Variants in PDZD2 observed in about 807,000 individuals in gnomAD.
The protein encoded by PDZD2 is PDZ domain containing 2, also known as PDZ domain-containing protein 2.
In PDZD2, 90 loss-of-function variants were observed where a neutral mutation model predicts 220.7. The ratio of observed to expected loss-of-function variants is 0.41; its 90% CI spans 0.34 to 0.49. The LOEUF (loss-of-function observed/expected upper bound fraction) is 0.49, where lower values mean the gene tolerates loss of function less well. Ranked by LOEUF, PDZD2 falls within the 20% of genes least tolerant of loss-of-function variation. The probability of loss-of-function intolerance (pLI) is 0.28; values close to 1 mark genes in which losing one functional copy is unlikely to be tolerated. For synonymous variants in PDZD2, 1,375 were observed against 1,450.5 expected (o/e 0.95, Z 1.18); for missense variants, 3,174 against 3,608.5 (o/e 0.88, Z 3.08).
At chr5:31,969,985 G>A (rs1441432792) in intron 2 of PDZD2, among the ~76,000 whole-genome samples, 1 of 150,402 alleles carries the variant, frequency 6.6e-6, no homozygotes, top group Non-Finnish European at 1.5e-5. Context: ...CGCAACTTCC[G>A]CCTCCCGGGT....
chr5:31,995,026 G>T (rs1751519020), intron 3 of PDZD2, among the ~76,000 whole-genome samples: 1 of 152,128 alleles, frequency 6.6e-6, no homozygotes, highest in Non-Finnish European at 1.5e-5. Flanking sequence ...CCAACTAGTT[G>T]AAGTCTCCTG....
At chr5:31,972,382 G>A (rs1280594724) in intron 2 of PDZD2, among the ~76,000 whole-genome samples, 1 of 151,958 alleles carries the variant, frequency 6.6e-6, no homozygotes, top group Non-Finnish European at 1.5e-5. Context: ...CCCAAGTGCT[G>A]GGATTACAGA....
chr5:31,844,906 G>A (rs1757505388), intron 2 of PDZD2, among the ~76,000 whole-genome samples: 1 of 150,814 alleles, frequency 6.6e-6, no homozygotes, highest in Non-Finnish European at 1.5e-5. Context: ...CCAGTTCTCA[G>A]GGATAGGTCA....
At chr5:31,705,051 C>T (rs1441804846) in intron 1 of PDZD2, among the ~76,000 whole-genome samples, 2 of 152,088 alleles carry the variant, frequency 1.3e-5, no homozygotes, top group Non-Finnish European at 2.9e-5. Context: ...GTCCCAGCTA[C>T]TTGGGAGGCT....
intron 1 of PDZD2, among the ~76,000 whole-genome samples, chr5:31,777,151 A>G (rs1752713372): frequency 1.3e-5 from 2 of 152,142 alleles, no homozygotes; most frequent in African/African-American, 2.4e-5. Flanking sequence ...CTCGCGGGGC[A>G]GCGTGAGTTC....
intron 2 of PDZD2, among the ~76,000 whole-genome samples, chr5:31,875,700 T>C (rs1272021437): frequency 6.7e-6 from 1 of 149,698 alleles, no homozygotes; most frequent in Non-Finnish European, 1.5e-5. Context: ...ATATAATCTA[T>C]TTGGGATTAT....
chr5:31,674,549 A>G (rs1291903962), intron 1 of PDZD2, among the ~76,000 whole-genome samples: 1 of 152,216 alleles, frequency 6.6e-6, no homozygotes, highest in Non-Finnish European at 1.5e-5. Context: ...GAATTGGGCA[A>G]TTAGAACAGT....
chr5:31,640,863 C>T (rs1402629068), intron 1 of PDZD2, among the ~76,000 whole-genome samples: 6 of 147,222 alleles, frequency 4.1e-5, no homozygotes, highest in African/African-American at 1.3e-4. Flanking sequence ...GTGTGTGTTG[C>T]GGGGGTTAGG....
At chr5:32,056,225 A>G (rs2112322171) in intron 10 of PDZD2, among the ~76,000 whole-genome samples, 1 of 152,334 alleles carries the variant, frequency 6.6e-6, no homozygotes, top group East Asian at 1.9e-4. Flanking sequence ...AGATTACTTC[A>G]CTTATTTTAT....
At chr5:31,957,161 T>A (rs1747784268) in intron 2 of PDZD2, among the ~76,000 whole-genome samples, 1 of 152,242 alleles carries the variant, frequency 6.6e-6, no homozygotes, top group African/African-American at 2.4e-5. Flanking sequence ...CTCAGCCTCC[T>A]GAGTAGTTGG....
At chr5:31,959,591 C>G (rs375877064) in intron 2 of PDZD2, among the ~76,000 whole-genome samples, 2 of 152,146 alleles carry the variant, frequency 1.3e-5, no homozygotes, top group South Asian at 2.1e-4. Context: ...CTCAGGAGAT[C>G]TTCCCACCTC....
intron 1 of PDZD2, among the ~76,000 whole-genome samples, chr5:31,698,589 ACT>A (rs1443531476): frequency 6.8e-6 from 1 of 146,188 alleles, no homozygotes; most frequent in Non-Finnish European, 1.5e-5. Flanking sequence ...ACAGAGCGAG[ACT>A]CTGTCTCAAA....
intron 2 of PDZD2, among the ~76,000 whole-genome samples, chr5:31,880,791 C>CTTTTTTTT (rs1037018187): frequency 0.017 from 1,339 of 76,530 alleles, 6 homozygotes; most frequent in Non-Finnish European, 0.023. Context: ...TTTTTTTTTT[C>CTTTTTTTT]TTTTTTTTTT....
chr5:31,667,491 C>T (rs938794672), intron 1 of PDZD2, among the ~76,000 whole-genome samples: 3 of 151,982 alleles, frequency 2.0e-5, no homozygotes, highest in Non-Finnish European at 4.4e-5. Context: ...GGGGACCTTG[C>T]TGGATAGTGG....
At position 32,060,430 on chromosome 5, in the gene PDZD2, A is replaced by G. The variant is rs543649727; in HGVS notation, c.2319-572A>G. Among the ~76,000 whole-genome samples the G allele has an allele frequency of 7.4e-4, 113 of 152,202 alleles. 1 individual carries two copies. Among genetic ancestry groups the G allele is most frequent in the Admixed American group, 4.3e-3 (65 of 15,274 alleles). On this transcript the variant is annotated intron_variant, in intron 13 of 24. Coordinates refer to ENST00000438447, the MANE Select transcript of PDZD2 (RefSeq NM_178140.4). ...CCAATTTCTCATTTGTTCAAATTTG[A>G]AACGTTTTTACAAATTGTTGGGTAA...
At chr5:31,901,990 ATCG>A (rs1289029430) in intron 2 of PDZD2, among the ~76,000 whole-genome samples, 1 of 152,162 alleles carries the variant, frequency 6.6e-6, no homozygotes, top group African/African-American at 2.4e-5. Flanking sequence ...TCACCAGGTG[ATCG>A]ATATTGGGGT....
At chr5:31,915,089 G>A (rs1032486332) in intron 2 of PDZD2, among the ~76,000 whole-genome samples, 4 of 152,116 alleles carry the variant, frequency 2.6e-5, no homozygotes, top group South Asian at 2.1e-4. Context: ...ATTGGATACC[G>A]TTACTTTCTA....
intron 2 of PDZD2, among the ~76,000 whole-genome samples, chr5:31,906,340 C>G (rs973121962): frequency 6.6e-6 from 1 of 150,540 alleles, no homozygotes; most frequent in Admixed American, 6.6e-5. Flanking sequence ...AGTGGTAACC[C>G]TGACCTCCCC....
At chr5:31,923,615 G>A (rs2150382575) in intron 2 of PDZD2, 1 of 735,168 alleles carries the variant, frequency 1.4e-6, no homozygotes. Flanking sequence ...TAAGAGATGG[G>A]ACATCATTCA....
Sources: allele counts gnomAD v4.1 joint callset (sites outside exome capture counted in the v4.1 genomes callset), GRCh38; gene constraint gnomAD v4.1.1; transcripts MANE v1.5; gene names NCBI Gene and HGNC (gene_info 2026-07-23, HGNC 2026-07-21).